Variants in DNER observed in about 807,000 individuals in gnomAD.
The protein encoded by DNER is delta/notch like EGF repeat containing.
In DNER, 33 loss-of-function variants were observed where a neutral mutation model predicts 78.2. That is an observed-to-expected ratio of 0.42 (90% CI 0.32 to 0.56). The LOEUF is 0.56. DNER is among the 20% of genes least tolerant of loss of function. DNER has a pLI of 0.11. For missense variants in DNER, 918 were observed against 975.3 expected, an observed-to-expected ratio of 0.94 and a Z score of 0.78; for synonymous variants, 417 against 384.8, an observed-to-expected ratio of 1.08 and a Z score of -0.98.
intron 5 of DNER, among the ~76,000 whole-genome samples, chr2:229,520,621 T>C (rs1020892228): frequency 6.6e-6 from 1 of 152,230 alleles, no homozygotes; most frequent in African/African-American, 2.4e-5. Flanking sequence ...ACAAACATTT[T>C]TTTTTAATTT....
intron 1 of DNER, among the ~76,000 whole-genome samples, chr2:229,657,803 C>T (rs1297964784): frequency 6.6e-6 from 1 of 152,172 alleles, no homozygotes; most frequent in Non-Finnish European, 1.5e-5. Flanking sequence ...CCCAGGCCAG[C>T]CAGCAGCTCT....
intron 5 of DNER, among the ~76,000 whole-genome samples, chr2:229,519,601 CAGA>C (rs1696054250): frequency 6.6e-6 from 1 of 151,980 alleles, no homozygotes; most frequent in Non-Finnish European, 1.5e-5. Flanking sequence ...AGCTGGCAAG[CAGA>C]AGGTCAAGGC....
chr2:229,483,009 C>G (rs979414980), intron 6 of DNER, among the ~76,000 whole-genome samples: 2 of 152,128 alleles, frequency 1.3e-5, no homozygotes, highest in African/African-American at 4.8e-5. Context: ...AAAATCAGAA[C>G]AATTAAACAA....
At chr2:229,538,098 T>C (rs922541430) in intron 5 of DNER, among the ~76,000 whole-genome samples, 3 of 152,234 alleles carry the variant, frequency 2.0e-5, no homozygotes, top group African/African-American at 7.2e-5. Context: ...CTTACTTTTA[T>C]GATCTCTATG....
chr2:229,518,462 T>C (rs1257773686), intron 5 of DNER, among the ~76,000 whole-genome samples: 6 of 152,216 alleles, frequency 3.9e-5, no homozygotes, highest in African/African-American at 1.4e-4. Flanking sequence ...GTGTAAGTGC[T>C]ATAAAGAAGT....
intron 12 of DNER, among the ~76,000 whole-genome samples, chr2:229,364,045 TG>T (rs751493530): frequency 3.0e-5 from 4 of 134,988 alleles, no homozygotes; most frequent in Non-Finnish European, 4.6e-5. Flanking sequence ...TCGCCCAGGC[TG>T]GGGTGATGGA....
intron 1 of DNER, chr2:229,702,281 T>G (rs542394429): frequency 6.5e-6 from 1 of 153,098 alleles, no homozygotes; most frequent in South Asian, 2.0e-4. Context: ...CCGCCTGTAA[T>G]CCCAGCACTT....
rs770031514 is a variant in DNER at position 229,547,084 on chromosome 2, T to C, written c.856A>G (p.Asn286Asp). The change falls in exon 5 of 13, where the codon AAT becomes GAT. Residue 286 changes from asparagine to aspartate, a missense_variant. Transcript: ENST00000341772. Reference sequence around the variant, plus strand: ...ACAATAGACTTAGTCACAGAATCATTCACAAAACCTAAAAGAAAATGAGGC... The same window carrying C: ...ACAATAGACTTAGTCACAGAATCATCCACAAAACCTAAAAGAAAATGAGGC... ...LGNNHFIGFV[N>D]DSVTKSIVAL... The C allele has an allele frequency of 4.3e-6, 7 of 1,613,834 alleles. No individual in the cohort carries two copies. In the African/African-American group the frequency reaches 6.7e-5, roughly 15 times the overall value.
intron 1 of DNER, among the ~76,000 whole-genome samples, chr2:229,692,611 G>C (rs1323137701): frequency 6.6e-6 from 1 of 152,174 alleles, no homozygotes; most frequent in African/African-American, 2.4e-5. Context: ...TTGGGCAAAA[G>C]CATTAAGCCA....
intron 1 of DNER, among the ~76,000 whole-genome samples, chr2:229,662,417 C>T (rs77994430): frequency 0.045 from 6,866 of 152,268 alleles, 333 homozygotes; most frequent in African/African-American, 0.1. Context: ...TTACATGTAA[C>T]AAATTACTAA....
At chr2:229,577,571 G>A (rs948957363) in intron 4 of DNER, among the ~76,000 whole-genome samples, 4 of 152,134 alleles carry the variant, frequency 2.6e-5, no homozygotes, top group Non-Finnish European at 5.9e-5. Context: ...GGAGGCAGAG[G>A]CTGCAGTGAG....
chr2:229,450,563 G>A (rs192446617), intron 7 of DNER, among the ~76,000 whole-genome samples: 2 of 152,294 alleles, frequency 1.3e-5, no homozygotes, highest in Admixed American at 1.3e-4. Flanking sequence ...TGGCTTTTCA[G>A]GGATAGTGCC....
chr2:229,585,855 C>T lies in DNER; in HGVS notation c.847+3G>A. 1.9e-6 allele frequency: 3 copies of T among 1,613,616 alleles called. No homozygotes were observed. The South Asian group carries it at 3.3e-5, about 18-fold the overall frequency. On this transcript the variant is annotated splice_donor_region_variant and intron_variant, in intron 4 of 12. Coordinates refer to ENST00000341772, the MANE Select transcript of DNER (RefSeq NM_139072.4). Reference sequence around the variant, plus strand: ...TGTTGAGTAGAAGATTTTGGTAACTCACCAATAAAGTGATTATTCCCCAAG... The same window carrying T: ...TGTTGAGTAGAAGATTTTGGTAACTTACCAATAAAGTGATTATTCCCCAAG...
chr2:229,515,918 AG>A (rs1373595097), intron 5 of DNER, among the ~76,000 whole-genome samples: 1 of 152,198 alleles, frequency 6.6e-6, no homozygotes, highest in Non-Finnish European at 1.5e-5. Flanking sequence ...CTGGGATTAC[AG>A]GCATGAGCCA....
At chr2:229,378,325 G>A (rs1692655005) in intron 11 of DNER, among the ~76,000 whole-genome samples, 2 of 152,172 alleles carry the variant, frequency 1.3e-5, no homozygotes, top group Admixed American at 6.5e-5. Context: ...AATACAGATG[G>A]TCAGGGAAGG....
intron 1 of DNER, among the ~76,000 whole-genome samples, chr2:229,697,640 AT>A (rs1377507845): frequency 1.3e-5 from 2 of 152,196 alleles, no homozygotes; most frequent in Non-Finnish European, 2.9e-5. Flanking sequence ...AACAAACTTC[AT>A]TGATGTTCCT....
At chr2:229,452,345 C>G (rs947830713) in intron 7 of DNER, among the ~76,000 whole-genome samples, 1 of 152,032 alleles carries the variant, frequency 6.6e-6, no homozygotes, top group Non-Finnish European at 1.5e-5. Context: ...ATGGAAGAGA[C>G]GACAGAGCCC....
chr2:229,407,005 T>C (rs1693402087), intron 10 of DNER, among the ~76,000 whole-genome samples: 1 of 152,216 alleles, frequency 6.6e-6, no homozygotes, highest in African/African-American at 2.4e-5. Context: ...ATGATAGTCT[T>C]TGTAAGTCTA....
intron 1 of DNER, among the ~76,000 whole-genome samples, chr2:229,631,924 G>A (rs1362154073): frequency 1.3e-5 from 2 of 152,200 alleles, no homozygotes; most frequent in African/African-American, 2.4e-5. Context: ...GAGCTCAAAT[G>A]TCAGCGAGAA....
Sources: allele counts gnomAD v4.1 joint callset (sites outside exome capture counted in the v4.1 genomes callset), GRCh38; gene constraint gnomAD v4.1.1; transcripts MANE v1.5; gene names NCBI Gene and HGNC (gene_info 2026-07-23, HGNC 2026-07-21).